The following TTC7A variants were observed in gnomAD, a reference collection of about 807,000 sequenced individuals.
TTC7A encodes the protein tetratricopeptide repeat protein 7A.
TTC7A carries 110 observed loss-of-function variants against 103.7 expected under a neutral mutation model. The observed-to-expected ratio is 1.06, with a 90% CI of 0.91 to 1.24. TTC7A has a LOEUF of 1.24. Among genes scored for constraint, TTC7A ranks in the 50% most tolerant of loss-of-function variants. The pLI, the probability that TTC7A is intolerant of heterozygous loss-of-function variation, is 0.00. For synonymous variants in TTC7A, 521 were observed against 467.9 expected (o/e 1.11, Z -1.47); for missense variants, 1,340 against 1,116.3 (o/e 1.20, Z -2.86).
At chr2:47,043,145 G>A (rs1035981473) in intron 15 of TTC7A, among the ~76,000 whole-genome samples, 5 of 152,378 alleles carry the variant, frequency 3.3e-5, no homozygotes, top group Middle Eastern at 3.4e-3. Context: ...GCAGTGGACA[G>A]GATGGAGAGG....
At chr2:46,940,316 T>C (rs1323257072), upstream of TTC7A, among the ~76,000 whole-genome samples, 2 of 152,164 alleles carry the variant, frequency 1.3e-5, no homozygotes, top group African/African-American at 4.8e-5. The surrounding 1 kb of genome is among the most constrained non-coding windows in gnomAD (Gnocchi z 4.7). Context: ...GACCATACAA[T>C]GTGTCACTTA....
rs17036191 is a variant in TTC7A at position 47,060,818 on chromosome 2, C to T, written c.2202C>T (p.Ile734=). Residue 734 remains isoleucine (I), a synonymous_variant, in exon 19 of 20, where the codon ATC becomes ATT. Coordinates refer to ENST00000319190, the MANE Select transcript of TTC7A (RefSeq NM_020458.4). ...ACCTCAAGGAAGCAGGTTTCTGCAT[C>T]CAGGAGGCGGCGGGCCTCTTCCCCA... ...QQHLKEAGFC[I]QEAAGLFPTS... 9.3e-3 allele frequency: 15,042 copies of T among 1,613,402 alleles called. 1,177 individuals carry two copies. The African/African-American group carries it at 0.17, about 19-fold the overall frequency.
chr2:46,933,926 G>C (rs549763658), intron 2 of TTC7A, among the ~76,000 whole-genome samples: 2 of 152,160 alleles, frequency 1.3e-5, no homozygotes, highest in African/African-American at 4.8e-5. Flanking sequence ...GAAAGAAGAG[G>C]CCAGAGTGGA....
chr2:46,929,501 A>G (rs1669583272), intron 2 of TTC7A, among the ~76,000 whole-genome samples: 1 of 152,198 alleles, frequency 6.6e-6, no homozygotes, highest in Admixed American at 6.5e-5. Flanking sequence ...ATAAATAAAT[A>G]AAGAAATAAA....
At chr2:47,023,793 A>T (rs1024461135) in intron 13 of TTC7A, among the ~76,000 whole-genome samples, 2 of 152,090 alleles carry the variant, frequency 1.3e-5, no homozygotes, top group Admixed American at 6.5e-5. Flanking sequence ...ACAGTATCCT[A>T]TGTGTAACAG....
At position 46,941,534 on chromosome 2, in the gene TTC7A, G is replaced by A; in HGVS notation, c.-8G>A. 1.3e-6 allele frequency: 2 copies of A among 1,551,866 alleles called. No individual in the cohort carries two copies. Among genetic ancestry groups the A allele is most frequent in the Non-Finnish European group, 8.7e-7 (1 of 1,147,952 alleles). ...GGCCGCACCTTCCATGACAGCGCCC[G>A]CGAGAAGATGGCTGCGAAGGGCGCG... On this transcript the variant is annotated 5_prime_UTR_variant, in exon 1 of 20. Transcript: ENST00000319190. The surrounding 1 kb of genome is among the most constrained non-coding windows in gnomAD (Gnocchi z 4.2).
chr2:47,050,177 C>A, intron 17 of TTC7A, 131 bp downstream of exon 17: 1 of 740,054 alleles, frequency 1.4e-6, no homozygotes, highest in Non-Finnish European at 2.3e-6. Context: ...TCCTTGCCAG[C>A]TCGGGCAACT....
chr2:46,988,425 G>A (rs898505621), intron 5 of TTC7A, among the ~76,000 whole-genome samples: 1 of 152,260 alleles, frequency 6.6e-6, no homozygotes, highest in Non-Finnish European at 1.5e-5. Context: ...CTGCCAACTA[G>A]CTATGCTCTT....
chr2:46,941,599 T>A lies in TTC7A; in HGVS notation c.58T>A (p.Cys20Ser). Reference protein sequence around the residue: ...YLKVESELERCRAEGHWDRMP... With the variant: ...YLKVESELERSRAEGHWDRMP... ...GAAGGTGGAGAGCGAGCTGGAGCGC[T>A]GCCGCGCCGAGGGCCACTGGGACCG... is the stretch of plus-strand genomic sequence containing the variant. Residue 20 changes from cysteine to serine, a missense_variant, in exon 1 of 20, where the codon TGC becomes AGC. Coordinates refer to ENST00000319190, the MANE Select transcript of TTC7A (RefSeq NM_020458.4). The surrounding 1 kb of genome is among the most constrained non-coding windows in gnomAD (Gnocchi z 4.2). 1 of 1,557,056 alleles carries A rather than the reference T, an allele frequency of 6.4e-7. No homozygotes were observed. Among genetic ancestry groups the A allele is most frequent in the Non-Finnish European group, 8.7e-7 (1 of 1,151,058 alleles).
At chr2:46,930,480 A>ATTTT in intron 2 of TTC7A, among the ~76,000 whole-genome samples, 1 of 149,178 alleles carries the variant, frequency 6.7e-6, no homozygotes, top group Non-Finnish European at 1.5e-5. Context: ...GAAGAAATGG[A>ATTTT]AATTTGAAGT....
intron 19 of TTC7A, among the ~76,000 whole-genome samples, chr2:47,063,355 C>T (rs1375535184): frequency 6.6e-6 from 1 of 152,226 alleles, no homozygotes; most frequent in African/African-American, 2.4e-5. Context: ...TGGAGTATCT[C>T]ACCCCCCTTC....
intron 13 of TTC7A, 77 bp downstream of exon 13, chr2:47,023,542 C>G: frequency 1.1e-5 from 16 of 1,407,390 alleles, no homozygotes; most frequent in African/African-American, 1.4e-5. Context: ...TCATCAGACC[C>G]TCTGATGTGG....
chr2:46,928,171 C>T (rs772388465), intron 2 of TTC7A, among the ~76,000 whole-genome samples: 4 of 151,876 alleles, frequency 2.6e-5, no homozygotes, highest in Non-Finnish European at 4.4e-5. Flanking sequence ...GGATTACAGG[C>T]GTGAGTCATT....
chr2:46,931,692 T>TAATA (rs10524721), intron 2 of TTC7A, among the ~76,000 whole-genome samples: 14,784 of 148,518 alleles, frequency 0.1, 1,094 homozygotes, highest in African/African-American at 0.21. Flanking sequence ...AAACAGACAA[T>TAATA]AATAAATAAA....
At chr2:46,940,999 C>T (rs1361602388), upstream of TTC7A, among the ~76,000 whole-genome samples, 6 of 151,522 alleles carry the variant, frequency 4.0e-5, no homozygotes, top group Admixed American at 6.6e-5. This position sits in a 1 kb window ranked among gnomAD's most constrained non-coding sequence, Gnocchi z 4.7. Flanking sequence ...CCCCGGGCGC[C>T]GGGGCTCCGC....
intron 11 of TTC7A, among the ~76,000 whole-genome samples, chr2:47,017,200 CAAAAAAAA>C (rs70940652): frequency 7.0e-4 from 25 of 35,588 alleles, no homozygotes; most frequent in African/African-American, 1.6e-3. Context: ...CACTCTGTCT[CAAAAAAAA>C]AAAAAAAAAA....
intron 1 of TTC7A, among the ~76,000 whole-genome samples, chr2:46,945,303 A>G (rs1194373166): frequency 6.6e-6 from 1 of 151,968 alleles, no homozygotes; most frequent in East Asian, 1.9e-4. Context: ...GCCAGGCTGG[A>G]GTGCAGTGGT....
chr2:46,967,322 T>C (rs548440361), intron 3 of TTC7A, among the ~76,000 whole-genome samples: 42 of 152,344 alleles, frequency 2.8e-4, no homozygotes, highest in African/African-American at 9.6e-4. Context: ...CCTGAACTCT[T>C]TTAACATTTG....
At chr2:46,968,349 A>C (rs909800564) in intron 3 of TTC7A, among the ~76,000 whole-genome samples, 2 of 152,228 alleles carry the variant, frequency 1.3e-5, no homozygotes, top group African/African-American at 4.8e-5. Context: ...CCGATGCCTC[A>C]AGGACTGGGC....
Sources: gnomAD v4.1 joint callset for allele counts (sites outside exome capture counted in the v4.1 genomes callset) on GRCh38, gnomAD v4.1.1 for gene constraint, Gnocchi (gnomAD v3.1) non-coding constraint, MANE v1.5 for transcripts, NCBI Gene and HGNC (gene_info 2026-07-23, HGNC 2026-07-21) for gene names.